The following RYR2 variants were observed in gnomAD, a reference collection of about 807,000 sequenced individuals.
RYR2 encodes the protein ryanodine receptor 2, also known as cardiac muscle ryanodine receptor-calcium release channel.
A neutral mutation model predicts 601.1 loss-of-function variants in RYR2; 227 were observed. The ratio of observed to expected loss-of-function variants is 0.38; its 90% CI spans 0.34 to 0.42. The LOEUF (loss-of-function observed/expected upper bound fraction) is 0.42. RYR2 is among the 10% of genes least tolerant of loss of function. The pLI, the probability that RYR2 is intolerant of heterozygous loss-of-function variation, is 1.00. For synonymous variants in RYR2, 2,223 were observed against 2,175.1 expected (o/e 1.02, Z -0.61); for missense variants, 4,646 against 6,156.5 (o/e 0.75, Z 8.21).
intron 3 of RYR2, among the ~76,000 whole-genome samples, chr1:237,334,795 C>T (rs767748697): frequency 2.6e-5 from 4 of 152,130 alleles, no homozygotes; most frequent in African/African-American, 4.8e-5. Context: ...TATTGCTCTT[C>T]TTGCTCTTCA....
chr1:237,829,452 G>C (rs1558501393), intron 102 of RYR2, among the ~76,000 whole-genome samples: 1 of 152,152 alleles, frequency 6.6e-6, no homozygotes, highest in Non-Finnish European at 1.5e-5. Flanking sequence ...GCAAGCAAGG[G>C]GATATCCAGG....
intron 2 of RYR2, among the ~76,000 whole-genome samples, chr1:237,314,867 G>C (rs1239080944): frequency 1.3e-5 from 2 of 152,144 alleles, no homozygotes; most frequent in African/African-American, 4.8e-5. Context: ...AACCACTATT[G>C]CCATAAATTG....
At chr1:237,483,749 G>C (rs1176374183) in intron 17 of RYR2, among the ~76,000 whole-genome samples, 2 of 151,904 alleles carry the variant, frequency 1.3e-5, no homozygotes, top group African/African-American at 4.8e-5. Context: ...CTTTTTACTC[G>C]TTATGTCACT....
chr1:237,783,867 T>C lies in RYR2; in HGVS notation c.12155T>C (p.Met4052Thr). Reference protein sequence around the residue: ...VISKRDFHKAMESHKHYTQSE... With the variant: ...VISKRDFHKATESHKHYTQSE... The stretch of plus-strand genomic sequence containing the variant: ...TCCAAGAGGGACTTCCACAAAGCGA[T>C]GGAGAGCCATAAGCACTACACGCAG... The change falls in exon 90 of 105, where the codon ATG becomes ACG. Residue 4052 changes from methionine (M) to threonine (T), a missense_variant. Met to Thr is a moderately conservative substitution (Grantham distance 81, BLOSUM62 -1). This residue lies in a region of RYR2 where 66 missense variants were observed against 80.7 expected (regional missense o/e 0.82). Coordinates refer to ENST00000366574, the MANE Select transcript of RYR2 (RefSeq NM_001035.3). 1.2e-6 allele frequency: 2 copies of C among 1,613,864 alleles called. No individual in the cohort carries two copies. The highest frequency in any genetic ancestry group is 1.7e-6 in the Non-Finnish European group (2 of 1,179,842).
At position 237,152,689 on chromosome 1, in the gene RYR2, A is replaced by C. The variant is rs1343331244; in HGVS notation, c.48+110120A>C. Reference sequence around the variant, plus strand: ...GATTAAAGACTTAAATGTAAAACCCAAAACCATAAAAACCCCAGAAGAAAA... The same window carrying C: ...GATTAAAGACTTAAATGTAAAACCCCAAACCATAAAAACCCCAGAAGAAAA... On this transcript the variant is annotated intron_variant, in intron 1 of 104. Transcript: ENST00000366574. Among the ~76,000 whole-genome samples, 3 of 152,214 alleles carry C rather than the reference A, an allele frequency of 2.0e-5. No individual in the cohort carries two copies. In the East Asian group the frequency reaches 5.8e-4, roughly 29 times the overall value.
intron 5 of RYR2, among the ~76,000 whole-genome samples, chr1:237,369,010 G>C (rs545282024): frequency 1.3e-5 from 2 of 152,032 alleles, no homozygotes; most frequent in South Asian, 4.2e-4. Flanking sequence ...TTTTACTAGA[G>C]ATGGGGTTTT....
intron 11 of RYR2, among the ~76,000 whole-genome samples, chr1:237,421,457 TG>T (rs904803868): frequency 6.6e-6 from 1 of 152,162 alleles, no homozygotes; most frequent in Non-Finnish European, 1.5e-5. Flanking sequence ...TTAACTTAAT[TG>T]GGGGGCTTCC....
chr1:237,671,558 A>C (rs188334882), intron 58 of RYR2, among the ~76,000 whole-genome samples: 21 of 151,848 alleles, frequency 1.4e-4, no homozygotes, highest in African/African-American at 5.1e-4. Context: ...AGAGAGAGAA[A>C]TAGAAATAAG....
chr1:237,060,107 T>C (rs975037963), intron 1 of RYR2, among the ~76,000 whole-genome samples: 2 of 152,186 alleles, frequency 1.3e-5, no homozygotes, highest in Non-Finnish European at 2.9e-5. Context: ...TACATTTTTC[T>C]ATTTTATTCA....
At chr1:237,325,148 G>A (rs1284176994) in intron 2 of RYR2, among the ~76,000 whole-genome samples, 5 of 152,200 alleles carry the variant, frequency 3.3e-5, no homozygotes, top group Non-Finnish European at 4.4e-5. Context: ...ACAGTGTTGC[G>A]TGGCAGAACA....
At chr1:237,827,768 C>A (rs1304863450) in intron 101 of RYR2, among the ~76,000 whole-genome samples, 1 of 151,682 alleles carries the variant, frequency 6.6e-6, no homozygotes, top group Non-Finnish European at 1.5e-5. Context: ...GAAACCCTGT[C>A]TCTCCTAAAA....
intron 1 of RYR2, among the ~76,000 whole-genome samples, chr1:237,199,668 T>A (rs1264680819): frequency 6.6e-6 from 1 of 152,194 alleles, no homozygotes; most frequent in African/African-American, 2.4e-5. Flanking sequence ...CTTTGCATCC[T>A]TCAGTCCTAT....
intron 4 of RYR2, 123 bp downstream of exon 4, chr1:237,356,108 C>A (rs1424775431): frequency 3.7e-6 from 3 of 813,234 alleles, no homozygotes; most frequent in Non-Finnish European, 6.1e-6. Flanking sequence ...CTAACTGCTT[C>A]GTTGTAATGA....
intron 1 of RYR2, among the ~76,000 whole-genome samples, chr1:237,115,619 T>G (rs966635901): frequency 6.6e-6 from 1 of 152,216 alleles, no homozygotes; most frequent in Admixed American, 6.5e-5. Flanking sequence ...AGACAAAGGT[T>G]CATTTTCACA....
intron 63 of RYR2, among the ~76,000 whole-genome samples, chr1:237,695,559 TATC>T (rs1270210680): frequency 6.6e-6 from 1 of 152,216 alleles, no homozygotes; most frequent in African/African-American, 2.4e-5. Context: ...CTGAAAGTTT[TATC>T]ATCTTACAAA....
intron 27 of RYR2, 115 bp downstream of exon 27, chr1:237,550,806 G>A: frequency 8.8e-7 from 1 of 1,134,504 alleles, no homozygotes. Flanking sequence ...TCTAGGTGTG[G>A]AATTTCAGCC....
chr1:237,795,450 A>ATT (rs35572672), intron 96 of RYR2, 119 bp downstream of exon 96: 7,796 of 410,604 alleles, frequency 0.019, no homozygotes, highest in East Asian at 0.042. Flanking sequence ...TAATGTCTCC[A>ATT]TTTTTTTTTT....
chr1:237,208,105 C>T (rs1682019179), intron 1 of RYR2, among the ~76,000 whole-genome samples: 1 of 152,196 alleles, frequency 6.6e-6, no homozygotes, highest in Non-Finnish European at 1.5e-5. Flanking sequence ...CACGTTTGCT[C>T]TGTTGCAGCC....
chr1:237,730,270 G>A lies in RYR2; in HGVS notation c.10849G>A (p.Val3617Ile). 1.2e-6 allele frequency: 2 copies of A among 1,602,410 alleles called. No homozygotes were observed. The highest frequency in any genetic ancestry group is 8.5e-7 in the Non-Finnish European group (1 of 1,169,608). The stretch of plus-strand genomic sequence containing the variant: ...GTGCTTACCTTTCAGGCATCGGGCT[G>A]TCAATCTCTTTCTTCAGGGATATGA... ...PLYNLPRHRA[V>I]NLFLQGYEKS... The change falls in exon 77 of 105, where the codon GTC becomes ATC. Residue 3617 changes from valine to isoleucine, a missense_variant. Coordinates refer to ENST00000366574, the MANE Select transcript of RYR2 (RefSeq NM_001035.3).
Sources: gnomAD v4.1 joint callset for allele counts (sites outside exome capture counted in the v4.1 genomes callset) on GRCh38, gnomAD v4.1.1 for gene constraint, gnomAD v4.1.1 regional missense constraint, MANE v1.5 for transcripts, NCBI Gene and HGNC (gene_info 2026-07-23, HGNC 2026-07-21) for gene names.